Variants in NPIPB15 observed in about 807,000 individuals in gnomAD.
NPIPB15 encodes nuclear pore complex-interacting protein family member B15.
In NPIPB15, 5 loss-of-function variants were observed where a neutral mutation model predicts 35.9. The ratio of observed to expected loss-of-function variants is 0.14; its 90% CI spans 0.07 to 0.29. The LOEUF is 0.29. NPIPB15 is among the 10% of genes least tolerant of loss of function. The pLI, the probability that NPIPB15 is intolerant of heterozygous loss-of-function variation, is 1.00. For synonymous variants in NPIPB15, 43 were observed against 182.0 expected, an observed-to-expected ratio of 0.24 and a Z score of 6.15; for missense variants, 100 against 506.1, an observed-to-expected ratio of 0.20 and a Z score of 7.70.
chr16:74,386,284 CTTT>C (rs1179744903), intron 5 of NPIPB15, among the ~76,000 whole-genome samples: 111 of 106,360 alleles, frequency 1.0e-3, no homozygotes, highest in Admixed American at 2.0e-3. Flanking sequence ...CACACCCAGC[CTTT>C]TTTTTTTTTT....
chr16:74,391,610 G>C lies in NPIPB15; in HGVS notation c.862G>C (p.Ala288Pro), dbSNP rs1567418328. The C allele has an allele frequency of 1.2e-6, 2 of 1,613,670 alleles. No individual in the cohort carries two copies. Among genetic ancestry groups the C allele is most frequent in the Non-Finnish European group, 1.7e-6 (2 of 1,179,746 alleles). ...VDDNIKECPL[A>P]PLPPSVDDNL... ...TGATAATATCAAGGAGTGTCCTCTT[G>C]CTCCTCTTCCACCCTCAGTGGATGA... The change falls in exon 8 of 8, where the codon GCT (alanine) becomes CCT (proline). Residue 288 changes from alanine to proline, a missense_variant. Ala to Pro is a conservative substitution (Grantham distance 27). Coordinates refer to ENST00000692376, the MANE Select transcript of NPIPB15 (RefSeq NM_001306094.2).
chr16:74,382,664 G>A (rs907954787), intron 3 of NPIPB15, among the ~76,000 whole-genome samples: 1 of 152,268 alleles, frequency 6.6e-6, no homozygotes, highest in African/African-American at 2.4e-5. Flanking sequence ...TCTGGGGGCT[G>A]AACCTCCTTC....
intron 2 of NPIPB15, among the ~76,000 whole-genome samples, chr16:74,381,134 C>G (rs1371320814): frequency 3.3e-5 from 4 of 121,738 alleles, no homozygotes; most frequent in Non-Finnish European, 4.9e-5. Context: ...CTGAGTGGAG[C>G]GGAACTCTGT....
At chr16:74,377,459 A>G in intron 1 of NPIPB15, among the ~76,000 whole-genome samples, 113 bp downstream of exon 1, 1 of 152,056 alleles carries the variant, frequency 6.6e-6, no homozygotes, top group South Asian at 2.1e-4. Flanking sequence ...ATTGTGAGGC[A>G]CCACCGGGGT....
In NPIPB15 at chr16:74,377,297, A is replaced by G. The variant is rs1477328659; in HGVS notation, c.-72A>G. ...AACCCTGGGAGCTCAGGAAGGAAGG[A>G]GAGCCCAGAAGCAGGGACAGGGAGC... is the stretch of plus-strand genomic sequence containing the variant. On this transcript the variant is annotated 5_prime_UTR_variant, in exon 1 of 8. Transcript: ENST00000692376. Among the ~76,000 whole-genome samples, 2 of 151,910 alleles carry G rather than the reference A, an allele frequency of 1.3e-5. No individual in the cohort carries two copies. Among genetic ancestry groups the G allele is most frequent in the Non-Finnish European group, 2.9e-5 (2 of 68,022 alleles).
At chr16:74,377,637 G>A (rs1206126440) in intron 1 of NPIPB15, among the ~76,000 whole-genome samples, 1 of 151,928 alleles carries the variant, frequency 6.6e-6, no homozygotes, top group African/African-American at 2.4e-5. Context: ...TCTTCTCCGT[G>A]ACCTGTAGCT....
At chr16:74,384,668 A>ATTTTT (rs1186582416) in intron 3 of NPIPB15, among the ~76,000 whole-genome samples, 1,109 of 61,436 alleles carry the variant, frequency 0.018, 151 homozygotes, top group Non-Finnish European at 0.025. Flanking sequence ...CACCTGGCCT[A>ATTTTT]TTTTTTTTTT....
At chr16:74,389,383 G>GT (rs1009083740) in intron 5 of NPIPB15, among the ~76,000 whole-genome samples, 1 of 149,700 alleles carries the variant, frequency 6.7e-6, no homozygotes. Flanking sequence ...TTTTGTTTTT[G>GT]TTTTTCTGAG....
chr16:74,382,699 A>G (rs1297117696), intron 3 of NPIPB15, among the ~76,000 whole-genome samples: 2 of 152,280 alleles, frequency 1.3e-5, no homozygotes, highest in Non-Finnish European at 2.9e-5. Context: ...AGATAAAAGT[A>G]CTAATACCAC....
chr16:74,381,604 C>T lies in NPIPB15; in HGVS notation c.155C>T (p.Pro52Leu), dbSNP rs781481187. 21 of 1,570,822 alleles carry T rather than the reference C, an allele frequency of 1.3e-5. No individual in the cohort carries two copies. In the South Asian group the frequency reaches 2.3e-4, roughly 17 times the overall value. ...CACCCTGGCCAACATGGCAAAACCC[C>T]ATCTCCACAAAAATTGGATAATTTG... ...RDHPGQHGKT[P>L]SPQKLDNLII... The change falls in exon 3 of 8, where the codon CCA becomes CTA. Residue 52 changes from proline (P) to leucine (L), a missense_variant. Transcript: ENST00000692376.
chr16:74,387,345 A>C lies in NPIPB15; in HGVS notation c.545+1596A>C, dbSNP rs541893776. 1.3e-4 allele frequency among the ~76,000 whole-genome samples: 20 copies of C among 148,590 alleles called. 1 individual carries two copies. The East Asian group carries it at 4.1e-3, about 30-fold the overall frequency. Reference sequence around the variant, plus strand: ...GTTCCTTCTGGAATTCAGCAATGAAACTCAGGGAAATGGATTCCAAATGCG... The same window carrying C: ...GTTCCTTCTGGAATTCAGCAATGAACCTCAGGGAAATGGATTCCAAATGCG... On this transcript the variant is annotated intron_variant, in intron 5 of 7. Transcript: ENST00000692376.
chr16:74,377,553 GA>G (rs1422917121), intron 1 of NPIPB15, among the ~76,000 whole-genome samples: 2 of 152,148 alleles, frequency 1.3e-5, no homozygotes, highest in Admixed American at 6.6e-5. Flanking sequence ...GTGGATAGCA[GA>G]ACCTTTTTGT....
rs1210502714 is a variant in NPIPB15, at chr16:74,381,710, A to T, written c.249+12A>T. The T allele has an allele frequency of 6.9e-6, 11 of 1,588,078 alleles. No individual in the cohort carries two copies. Among genetic ancestry groups the T allele is most frequent in the Non-Finnish European group, 9.4e-6 (11 of 1,172,782 alleles). The stretch of plus-strand genomic sequence containing the variant: ...CAAGTTACCTTTGTGTGAGTATACT[A>T]ACTTTCTGTAGAGGTATACTTGTAA... On this transcript the variant is annotated intron_variant, in intron 3 of 7. Transcript: ENST00000692376.
rs2011670355 is a variant in NPIPB15, at chr16:74,376,469, A to C, written c.-900A>C. Among the ~76,000 whole-genome samples, 1 of 149,778 alleles carries C rather than the reference A, an allele frequency of 6.7e-6. No homozygotes were observed. Among genetic ancestry groups the C allele is most frequent in the Admixed American group, 6.9e-5 (1 of 14,564 alleles). ...GCTTGGAGCTCCCCACCCATCACACATGATGCTGCCAAGCCCTCTGGGTAT... is the reference window on the plus strand; with the variant it reads ...GCTTGGAGCTCCCCACCCATCACACCTGATGCTGCCAAGCCCTCTGGGTAT... On this transcript the variant is annotated 5_prime_UTR_variant, in exon 1 of 8. The change abolishes an upstream ATG in the 5' untranslated region. Transcript: ENST00000692376.
intron 3 of NPIPB15, among the ~76,000 whole-genome samples, chr16:74,382,731 G>A (rs1049641704): frequency 1.3e-5 from 2 of 152,332 alleles, no homozygotes; most frequent in East Asian, 3.9e-4. Context: ...ATATTCAAGG[G>A]AAGAGGAAGT....
chr16:74,386,646 G>A (rs1173255068), intron 5 of NPIPB15, among the ~76,000 whole-genome samples: 4 of 151,182 alleles, frequency 2.6e-5, no homozygotes. Context: ...CTTAGTAGAG[G>A]CGGGGTTTCA....
chr16:74,381,858 A>C, intron 3 of NPIPB15, 160 bp downstream of exon 3: 1 of 874,966 alleles, frequency 1.1e-6, no homozygotes, highest in Non-Finnish European at 1.7e-6. Context: ...AATGTCTGCC[A>C]TTTACATTAT....
chr16:74,384,604 T>C (rs1291122376), intron 3 of NPIPB15, among the ~76,000 whole-genome samples: 2 of 144,530 alleles, frequency 1.4e-5, no homozygotes, highest in African/African-American at 2.6e-5. Flanking sequence ...CTTGACCTTG[T>C]GATTCACCCG....
At chr16:74,390,348 C>T (rs1350157956) in intron 7 of NPIPB15, 2 of 92,350 alleles carry the variant, frequency 2.2e-5, no homozygotes, top group African/African-American at 9.1e-5. Context: ...AAATGAAGGC[C>T]TTAAATGATG....
Sources: gnomAD v4.1 joint callset for allele counts (sites outside exome capture counted in the v4.1 genomes callset) on GRCh38, gnomAD v4.1.1 for gene constraint, MANE v1.5 for transcripts, NCBI Gene and HGNC (gene_info 2026-07-23, HGNC 2026-07-21) for gene names.